GRID2: variants seen among roughly 807,000 people sequenced by gnomAD.
GRID2 encodes the protein glutamate receptor ionotropic, delta-2.
In GRID2, 33 loss-of-function variants were observed where a neutral mutation model predicts 114.8. That is an observed-to-expected ratio of 0.29 (90% CI 0.22 to 0.38). The LOEUF (loss-of-function observed/expected upper bound fraction) is 0.38, where lower values mean the gene tolerates loss of function less well. Ranked by LOEUF, GRID2 falls within the 10% of genes least tolerant of loss-of-function variation. The probability of loss-of-function intolerance (pLI) is 1.00; values close to 1 mark genes in which losing one functional copy is unlikely to be tolerated. For synonymous variants in GRID2, 505 were observed against 449.9 expected (o/e 1.12, Z -1.55); for missense variants, 1,184 against 1,257.7 (o/e 0.94, Z 0.89).
At chr4:92,639,018 T>A (rs904741125) in intron 2 of GRID2, among the ~76,000 whole-genome samples, 3 of 151,312 alleles carry the variant, frequency 2.0e-5, no homozygotes, top group Admixed American at 2.0e-4. Context: ...TTATTTCACT[T>A]TCCATGCTTC....
At chr4:93,294,215 C>G (rs1026036951) in intron 8 of GRID2, among the ~76,000 whole-genome samples, 4 of 150,084 alleles carry the variant, frequency 2.7e-5, no homozygotes, top group Non-Finnish European at 5.9e-5. Context: ...CACAAAAAAA[C>G]GAAAAGATGA....
intron 1 of GRID2, among the ~76,000 whole-genome samples, chr4:92,381,324 C>A (rs1729609469): frequency 1.3e-5 from 2 of 151,998 alleles, no homozygotes; most frequent in Non-Finnish European, 2.9e-5. Flanking sequence ...ACCTCGATCA[C>A]TCGATCACTT....
intron 11 of GRID2, among the ~76,000 whole-genome samples, chr4:93,464,189 G>A (rs1724044984): frequency 6.6e-6 from 1 of 152,078 alleles, no homozygotes; most frequent in Non-Finnish European, 1.5e-5. Flanking sequence ...TGGGCTCAAG[G>A]GAAAGCAGGT....
chr4:93,173,242 T>C (rs28743158), intron 4 of GRID2, among the ~76,000 whole-genome samples: 10 of 152,102 alleles, frequency 6.6e-5, no homozygotes, highest in African/African-American at 1.9e-4. Flanking sequence ...TCAAGAGAGG[T>C]TTCTCAATAT....
intron 13 of GRID2, among the ~76,000 whole-genome samples, chr4:93,562,754 T>A (rs1365464303): frequency 1.3e-5 from 2 of 152,086 alleles, no homozygotes; most frequent in Non-Finnish European, 2.9e-5. Flanking sequence ...TCTCTGTGCA[T>A]GTCCAGCTGT....
At chr4:92,511,874 A>G (rs1029774379) in intron 1 of GRID2, among the ~76,000 whole-genome samples, 4 of 151,840 alleles carry the variant, frequency 2.6e-5, no homozygotes, top group Middle Eastern at 3.2e-3. Context: ...AGTGACATTA[A>G]TTGTATTTTT....
At chr4:93,306,137 A>C (rs1026392031) in intron 8 of GRID2, 1 of 152,214 alleles carries the variant, frequency 6.6e-6, no homozygotes. Context: ...ACAGCAGAAC[A>C]ACAACAAAAT....
chr4:93,652,681 C>T (rs1214784553), intron 14 of GRID2, among the ~76,000 whole-genome samples: 1 of 149,316 alleles, frequency 6.7e-6, no homozygotes, highest in Non-Finnish European at 1.5e-5. Context: ...TTAAGCAGCA[C>T]ATGACTATGT....
intron 2 of GRID2, among the ~76,000 whole-genome samples, chr4:92,995,254 A>T (rs1210104235): frequency 6.6e-6 from 1 of 151,972 alleles, no homozygotes; most frequent in Non-Finnish European, 1.5e-5. Context: ...TCTCTTCTTT[A>T]TTCTCTCTCT....
intron 10 of GRID2, 40 bp downstream of exon 10, chr4:93,423,008 T>C: frequency 7.3e-7 from 1 of 1,373,706 alleles, no homozygotes; most frequent in African/African-American, 1.4e-5. Flanking sequence ...ACTTAAAGGT[T>C]CAATTATTTG....
At chr4:93,404,350 T>C (rs1766201936) in intron 9 of GRID2, among the ~76,000 whole-genome samples, 1 of 152,104 alleles carries the variant, frequency 6.6e-6, no homozygotes, top group Non-Finnish European at 1.5e-5. Context: ...ACTAAAGCTA[T>C]TGGATTGTGC....
chr4:92,635,762 G>A, intron 2 of GRID2, among the ~76,000 whole-genome samples: 1 of 152,028 alleles, frequency 6.6e-6, no homozygotes, highest in East Asian at 1.9e-4. Context: ...ATGATCTTCA[G>A]TATTTCAATG....
chr4:92,502,410 CAT>C (rs1213930011), intron 1 of GRID2, among the ~76,000 whole-genome samples: 2 of 151,680 alleles, frequency 1.3e-5, no homozygotes, highest in South Asian at 2.1e-4. Flanking sequence ...GTTGTTGCCA[CAT>C]AAAATATAAA....
At chr4:92,707,896 T>C (rs951924719) in intron 2 of GRID2, among the ~76,000 whole-genome samples, 4 of 152,040 alleles carry the variant, frequency 2.6e-5, no homozygotes, top group African/African-American at 9.7e-5. Context: ...GAAAGAAAAA[T>C]CAGAATTATT....
chr4:92,452,381 G>A (rs1481888276), intron 1 of GRID2, among the ~76,000 whole-genome samples: 2 of 150,238 alleles, frequency 1.3e-5, no homozygotes, highest in Admixed American at 6.7e-5. Context: ...GCAGTGGCAC[G>A]ATCTTGGCTC....
At chr4:92,949,564 G>A (rs139649782) in intron 2 of GRID2, among the ~76,000 whole-genome samples, 152 of 151,738 alleles carry the variant, frequency 1.0e-3, no homozygotes, top group Non-Finnish European at 2.0e-3. Context: ...TGCCTCCACT[G>A]TGATAAGAAA....
intron 4 of GRID2, among the ~76,000 whole-genome samples, chr4:93,156,721 G>C (rs781538308): frequency 6.6e-6 from 1 of 151,714 alleles, no homozygotes; most frequent in Non-Finnish European, 1.5e-5. Flanking sequence ...ACATATAAGG[G>C]ATGCACGGGA....
rs568595631 is a variant in GRID2, at chr4:93,069,087, C to T, written c.245-15908C>T. On this transcript the variant is annotated intron_variant, in intron 2 of 15. Transcript: ENST00000282020. ...TGACTCACTATCACAAGGACAGTAT[C>T]GGGGGGCTGGTACTAACCCATTCAT... Among the ~76,000 whole-genome samples the T allele has an allele frequency of 3.4e-4, 52 of 151,886 alleles. 1 individual carries two copies. The South Asian group carries it at 4.2e-3, about 12-fold the overall frequency.
intron 12 of GRID2, among the ~76,000 whole-genome samples, chr4:93,505,972 A>G (rs1396011529): frequency 6.6e-6 from 1 of 152,156 alleles, no homozygotes; most frequent in Non-Finnish European, 1.5e-5. Flanking sequence ...CAGAGAGTTT[A>G]ACAATCATTT....
Sources: allele counts gnomAD v4.1 joint callset (sites outside exome capture counted in the v4.1 genomes callset), GRCh38; gene constraint gnomAD v4.1.1; transcripts MANE v1.5; gene names NCBI Gene and HGNC (gene_info 2026-07-23, HGNC 2026-07-21).